CDH13: variants seen among roughly 807,000 people sequenced by gnomAD.
CDH13 encodes the protein cadherin 13, also known as cadherin-13.
Under a neutral mutation model 63.8 loss-of-function variants are expected in CDH13, and 24 were observed. That is an observed-to-expected ratio of 0.38 (90% CI 0.27 to 0.53). The LOEUF (loss-of-function observed/expected upper bound fraction) is 0.53. CDH13 is among the 20% of genes least tolerant of loss of function. The probability of loss-of-function intolerance (pLI) is 0.85; values close to 1 mark genes in which losing one functional copy is unlikely to be tolerated. For synonymous variants in CDH13, 503 were observed against 355.3 expected, an observed-to-expected ratio of 1.42 and a Z score of -4.67; for missense variants, 1,049 against 903.1, an observed-to-expected ratio of 1.16 and a Z score of -2.07.
intron 1 of CDH13, chr16:82,727,771 C>T (rs553602217): frequency 2.0e-5 from 3 of 152,150 alleles, no homozygotes; most frequent in African/African-American, 7.2e-5. Flanking sequence ...CAAAGTTCTT[C>T]GTCTTGGAAG....
chr16:83,109,340 C>T (rs1431976958), intron 3 of CDH13, among the ~76,000 whole-genome samples: 2 of 152,098 alleles, frequency 1.3e-5, no homozygotes, highest in Non-Finnish European at 2.9e-5. Context: ...AGTGTCTAAC[C>T]CCTCAACTGC....
chr16:82,717,964 C>G (rs1213399086), intron 1 of CDH13, among the ~76,000 whole-genome samples: 1 of 152,166 alleles, frequency 6.6e-6, no homozygotes, highest in Non-Finnish European at 1.5e-5. Flanking sequence ...GAATGTCACC[C>G]AATGAGACCT....
chr16:82,686,862 A>G (rs1915126356), intron 1 of CDH13, among the ~76,000 whole-genome samples: 1 of 152,196 alleles, frequency 6.6e-6, no homozygotes, highest in South Asian at 2.1e-4. Context: ...AGGGAACACG[A>G]CTTCTTACTC....
intron 2 of CDH13, among the ~76,000 whole-genome samples, chr16:82,993,081 T>A (rs765082565): frequency 1.3e-5 from 2 of 152,214 alleles, no homozygotes; most frequent in Non-Finnish European, 2.9e-5. Context: ...GGCCCTATCT[T>A]CTGATTCCAC....
At chr16:83,030,739 T>A (rs1384445585) in intron 2 of CDH13, among the ~76,000 whole-genome samples, 2 of 149,164 alleles carry the variant, frequency 1.3e-5, no homozygotes, top group Admixed American at 1.3e-4. Flanking sequence ...ACACACCTGA[T>A]CTTGACTCTC....
At chr16:83,444,104 ATGG>A (rs928089384) in intron 6 of CDH13, among the ~76,000 whole-genome samples, 5 of 144,576 alleles carry the variant, frequency 3.5e-5, no homozygotes, top group Non-Finnish European at 7.9e-5. Context: ...GAGGTTGATG[ATGG>A]TGAAGATACC....
chr16:83,726,129 A>G (rs1354204299), intron 10 of CDH13: 1 of 152,236 alleles, frequency 6.6e-6, no homozygotes, highest in Non-Finnish European at 1.5e-5. Flanking sequence ...ATCTTCCCAC[A>G]AGGGATAATT....
intron 1 of CDH13, chr16:82,639,233 G>T (rs912452009): frequency 1.8e-4 from 93 of 514,498 alleles, no homozygotes; most frequent in Non-Finnish European, 2.7e-4. Flanking sequence ...ACTTTTTTGA[G>T]TTCCTAGTCT....
chr16:82,719,211 C>G (rs544567159), intron 1 of CDH13, among the ~76,000 whole-genome samples: 18 of 152,140 alleles, frequency 1.2e-4, no homozygotes, highest in Admixed American at 2.6e-4. Context: ...GGGTCCCATT[C>G]TCAGGAGTTT....
intron 4 of CDH13, among the ~76,000 whole-genome samples, chr16:83,137,623 A>G (rs186796314): frequency 1.1e-3 from 169 of 152,320 alleles, no homozygotes; most frequent in African/African-American, 4.0e-3. Flanking sequence ...AAGGAATGAA[A>G]GTGAAAGCAG....
chr16:83,181,088 G>C (rs2038335859), intron 4 of CDH13: 1 of 1,297,730 alleles, frequency 7.7e-7, no homozygotes, highest in South Asian at 1.5e-5. Flanking sequence ...TTGTCCTGTT[G>C]ACTGAATTTT....
At chr16:83,257,949 A>T (rs145746056) in intron 5 of CDH13, among the ~76,000 whole-genome samples, 1 of 152,126 alleles carries the variant, frequency 6.6e-6, no homozygotes, top group Non-Finnish European at 1.5e-5. Context: ...TGACTTTTTA[A>T]TATTAGTCAT....
intron 4 of CDH13, among the ~76,000 whole-genome samples, chr16:83,172,844 A>T (rs1192188645): frequency 2.0e-5 from 3 of 152,158 alleles, no homozygotes; most frequent in Non-Finnish European, 4.4e-5. Flanking sequence ...GGATCGTTTC[A>T]TCAGAGGATT....
chr16:83,049,970 A>C (rs183892025), intron 3 of CDH13, among the ~76,000 whole-genome samples: 4 of 152,356 alleles, frequency 2.6e-5, no homozygotes, highest in Admixed American at 2.0e-4. Context: ...TGCTACAAAA[A>C]TAGTAATTGT....
chr16:83,056,027 A>T (rs935686102), intron 3 of CDH13, among the ~76,000 whole-genome samples: 3 of 152,200 alleles, frequency 2.0e-5, no homozygotes, highest in Admixed American at 2.0e-4. Flanking sequence ...AGAGAACCCA[A>T]CTAACAATGG....
At chr16:82,873,806 C>T (rs762394919) in intron 2 of CDH13, among the ~76,000 whole-genome samples, 76 of 152,090 alleles carry the variant, frequency 5.0e-4, no homozygotes, top group Admixed American at 3.9e-4. Flanking sequence ...AGATGACCCA[C>T]GAAATTTTCA....
chr16:83,351,238 C>G (rs530592638), intron 6 of CDH13, among the ~76,000 whole-genome samples: 1 of 148,658 alleles, frequency 6.7e-6, no homozygotes, highest in African/African-American at 2.5e-5. Context: ...ACTGCCCCAA[C>G]CAATCCTATG....
intron 8 of CDH13, among the ~76,000 whole-genome samples, chr16:83,657,813 C>A (rs978553094): frequency 2.0e-5 from 3 of 152,282 alleles, no homozygotes; most frequent in South Asian, 2.1e-4. Flanking sequence ...GCACTGCCAG[C>A]CACATGTCCT....
chr16:83,102,907 C>CTTTCTTTTTTTTCTT (rs1567831518), intron 3 of CDH13, among the ~76,000 whole-genome samples: 3 of 80,668 alleles, frequency 3.7e-5, no homozygotes, highest in African/African-American at 1.5e-4. Flanking sequence ...GCTAATTAAA[C>CTTTCTTTTTTTTCTT]TTTCTTTTTT....
Sources: allele counts gnomAD v4.1 joint callset (sites outside exome capture counted in the v4.1 genomes callset), GRCh38; gene constraint gnomAD v4.1.1; transcripts MANE v1.5; gene names NCBI Gene and HGNC (gene_info 2026-07-23, HGNC 2026-07-21).